TRIM55: variants seen among roughly 807,000 people sequenced by gnomAD.
TRIM55 encodes tripartite motif-containing protein 55.
A neutral mutation model predicts 60.9 loss-of-function variants in TRIM55; 50 were observed. The ratio of observed to expected loss-of-function variants is 0.82; its 90% CI spans 0.65 to 1.04. The LOEUF (loss-of-function observed/expected upper bound fraction) is 1.04, where lower values mean the gene tolerates loss of function less well. TRIM55 is among the 50% of genes least tolerant of loss of function. The probability of loss-of-function intolerance (pLI) is 0.00; values close to 1 mark genes in which losing one functional copy is unlikely to be tolerated. For synonymous variants in TRIM55, 237 were observed against 238.1 expected, an observed-to-expected ratio of 1.00 and a Z score of 0.04; for missense variants, 681 against 666.9, an observed-to-expected ratio of 1.02 and a Z score of -0.23.
intron 4 of TRIM55, among the ~76,000 whole-genome samples, chr8:66,142,515 G>T (rs1809876091): frequency 6.6e-6 from 1 of 152,192 alleles, no homozygotes; most frequent in Admixed American, 6.5e-5. Flanking sequence ...TGGGGTTCCT[G>T]TCAGAACAGG....
rs1810325991 is a variant in TRIM55 at position 66,150,111 on chromosome 8, G to A, written c.838-106G>A. 10 of 1,345,088 alleles carry A rather than the reference G, an allele frequency of 7.4e-6. No individual in the cohort carries two copies. In the Admixed American group the frequency reaches 2.3e-4, roughly 30 times the overall value. 83.3% of individuals were successfully genotyped at this position (1,345,088 alleles called of 1,614,324 possible). On this transcript the variant is annotated intron_variant, in intron 5 of 9. Coordinates refer to ENST00000315962, the MANE Select transcript of TRIM55 (RefSeq NM_184085.2). ...AGACAGCAGTTATTTATGACATTTA[G>A]AAACTAAGCTATGAGATTCTCAGAG... is the stretch of plus-strand genomic sequence containing the variant.
upstream of TRIM55, among the ~76,000 whole-genome samples, chr8:66,122,014 C>A (rs1175147147): frequency 6.6e-6 from 1 of 152,082 alleles, no homozygotes; most frequent in Non-Finnish European, 1.5e-5. Flanking sequence ...CTCCTTAGAG[C>A]AGAGCACTCC....
At position 66,174,755 on chromosome 8, in the gene TRIM55, T is replaced by A. The variant is rs1811832699; in HGVS notation, c.*162T>A. On this transcript the variant is annotated 3_prime_UTR_variant, in exon 10 of 10. Transcript: ENST00000315962. Reference sequence around the variant, plus strand: ...GCAATTCCATATGACTTATCTAACATCTTGGGGGGAAAGAATATTTTGAGA... The same window carrying A: ...GCAATTCCATATGACTTATCTAACAACTTGGGGGGAAAGAATATTTTGAGA... 3.5e-6 allele frequency: 2 copies of A among 579,276 alleles called. No individual in the cohort carries two copies. Among genetic ancestry groups the A allele is most frequent in the Non-Finnish European group, 5.3e-6 (2 of 375,988 alleles). The allele number at this position is 579,276 out of a possible 1,614,324, so 35.9% of individuals were successfully genotyped here.
intron 9 of TRIM55, among the ~76,000 whole-genome samples, chr8:66,171,292 T>G (rs903106479): frequency 3.3e-5 from 5 of 150,862 alleles, no homozygotes; most frequent in Non-Finnish European, 5.9e-5. Context: ...CCCCTCTATG[T>G]GTTCATGTGT....
rs777055540 is a variant in TRIM55, at chr8:66,127,328, A to C, written c.60A>C (p.Leu20Phe). The C allele has an allele frequency of 6.8e-6, 11 of 1,614,098 alleles. No homozygotes were observed. The change falls in exon 1 of 10, where the codon TTA becomes TTC. Residue 20 changes from leucine to phenylalanine, a missense_variant. Transcript: ENST00000315962. Reference protein sequence around the residue: ...FSKEQQTMDNLEKQLICPICL... With the variant: ...FSKEQQTMDNFEKQLICPICL... Reference sequence around the variant, plus strand: ...AAGAGCAGCAGACCATGGATAACTTAGAGAAGCAACTCATCTGTCCCATCT... The same window carrying C: ...AAGAGCAGCAGACCATGGATAACTTCGAGAAGCAACTCATCTGTCCCATCT...
intron 7 of TRIM55, among the ~76,000 whole-genome samples, chr8:66,150,730 G>A (rs1187997102): frequency 6.6e-6 from 1 of 151,522 alleles, no homozygotes; most frequent in African/African-American, 2.4e-5. Flanking sequence ...GCAATGGCAC[G>A]ATCTTGGCTC....
Position 66,135,048 on chromosome 8 carries a change from A to G in TRIM55, c.400A>G (p.Ile134Val), listed in dbSNP as rs1809397465. ...CEEHEEERINIYCLNCEVPTC... is the reference protein window; with the variant it reads ...CEEHEEERINVYCLNCEVPTC... ...GGAACATGAAGAGGAGCGCATCAAC[A>G]TCTACTGTCTGAACTGCGAAGTACC... The change falls in exon 3 of 10, where the codon ATC (isoleucine) becomes GTC (valine). Residue 134 changes from isoleucine to valine, a missense_variant. Ile to Val is a conservative substitution (Grantham distance 29). Coordinates refer to ENST00000315962, the MANE Select transcript of TRIM55 (RefSeq NM_184085.2). 1 of 1,614,196 alleles carries G rather than the reference A, an allele frequency of 6.2e-7. No homozygotes were observed. Among genetic ancestry groups the G allele is most frequent in the Non-Finnish European group, 8.5e-7 (1 of 1,180,036 alleles).
chr8:66,163,766 G>A (rs1374054906), intron 9 of TRIM55, among the ~76,000 whole-genome samples: 1 of 152,210 alleles, frequency 6.6e-6, no homozygotes, highest in Non-Finnish European at 1.5e-5. Flanking sequence ...TGGGCATGGT[G>A]TTCTGTACCT....
intron 7 of TRIM55, among the ~76,000 whole-genome samples, chr8:66,151,850 T>TAATAAATA (rs199757226): frequency 2.4e-3 from 338 of 142,714 alleles, no homozygotes; most frequent in Admixed American, 4.3e-3. Context: ...TCTCAAAAAA[T>TAATAAATA]AATAAATAAA....
chr8:66,155,827 A>G, intron 9 of TRIM55: 1 of 723,876 alleles, frequency 1.4e-6, no homozygotes, highest in East Asian at 2.6e-5. Flanking sequence ...AGTCCTCCCA[A>G]AAGAACATTG....
intron 4 of TRIM55, 47 bp downstream of exon 4, chr8:66,137,237 T>TG: frequency 6.9e-7 from 1 of 1,441,820 alleles, no homozygotes; most frequent in Non-Finnish European, 9.7e-7. Context: ...CTGCAATGCC[T>TG]GGGGGTTTAT....
intron 9 of TRIM55, among the ~76,000 whole-genome samples, chr8:66,170,953 CT>C (rs1344573146): frequency 1.3e-5 from 2 of 152,210 alleles, no homozygotes; most frequent in Non-Finnish European, 2.9e-5. Flanking sequence ...CTGACAGAGC[CT>C]TGTAGACATC....
At chr8:66,152,770 C>A in intron 8 of TRIM55, 143 bp downstream of exon 8, 1 of 1,176,200 alleles carries the variant, frequency 8.5e-7, no homozygotes, top group Non-Finnish European at 1.2e-6. Flanking sequence ...GATTTCAGGA[C>A]AGTCCTCATG....
rs1279547635 is a variant in TRIM55 at position 66,135,167 on chromosome 8, G to T, written c.507+12G>T. ...TCCAGAGACAGAAGGTAACAGAGCTGCTCCCTCCCTCCCGCAACCCCTCCC... is the reference window on the plus strand; with the variant it reads ...TCCAGAGACAGAAGGTAACAGAGCTTCTCCCTCCCTCCCGCAACCCCTCCC... On this transcript the variant is annotated intron_variant, in intron 3 of 9. Coordinates refer to ENST00000315962, the MANE Select transcript of TRIM55 (RefSeq NM_184085.2). 1 of 1,613,646 alleles carries T rather than the reference G, an allele frequency of 6.2e-7. No individual in the cohort carries two copies. Among genetic ancestry groups the T allele is most frequent in the South Asian group, 1.1e-5 (1 of 91,004 alleles).
At chr8:66,172,968 G>GTTTT (rs1218241632) in intron 9 of TRIM55, among the ~76,000 whole-genome samples, 6 of 152,136 alleles carry the variant, frequency 3.9e-5, no homozygotes, top group African/African-American at 1.4e-4. Context: ...TTAAGGGTTT[G>GTTTT]TTTTTTGTTT....
intron 8 of TRIM55, 100 bp from the exon 9 acceptor site, chr8:66,153,947 G>T: frequency 8.7e-7 from 1 of 1,154,832 alleles, no homozygotes; most frequent in Non-Finnish European, 1.2e-6. Context: ...TGCAGGGAGC[G>T]CACAGTGTTC....
upstream of TRIM55, among the ~76,000 whole-genome samples, chr8:66,125,433 T>A (rs1322027228): frequency 6.6e-6 from 1 of 152,264 alleles, no homozygotes; most frequent in African/African-American, 2.4e-5. Flanking sequence ...TTTGAAGGAA[T>A]GAATTCCTTC....
At chr8:66,113,426 C>A in the TRIM55 span, 2 of 443,690 alleles carry the variant, frequency 4.5e-6, no homozygotes, top group South Asian at 3.2e-5. Flanking sequence ...CAGGAGACAT[C>A]CTTAGGTCGC....
chr8:66,125,842 A>G (rs1808799311), upstream of TRIM55, among the ~76,000 whole-genome samples: 1 of 152,226 alleles, frequency 6.6e-6, no homozygotes. Context: ...TGGTAATTTA[A>G]TTCACACCAG....
Sources: gnomAD v4.1 joint callset for allele counts (sites outside exome capture counted in the v4.1 genomes callset) on GRCh38, gnomAD v4.1.1 for gene constraint, MANE v1.5 for transcripts, NCBI Gene and HGNC (gene_info 2026-07-23, HGNC 2026-07-21) for gene names.